Variants in PDE3A observed in about 807,000 individuals in gnomAD.
The protein encoded by PDE3A is phosphodiesterase 3A.
Under a neutral mutation model 98.3 loss-of-function variants are expected in PDE3A, and 43 were observed. The observed-to-expected ratio is 0.44, with a 90% CI of 0.34 to 0.56. The LOEUF (loss-of-function observed/expected upper bound fraction) is 0.56, where lower values mean the gene tolerates loss of function less well. PDE3A is among the 20% of genes least tolerant of loss of function. The pLI, the probability that PDE3A is intolerant of heterozygous loss-of-function variation, is 0.01. For synonymous variants in PDE3A, 663 were observed against 567.9 expected (o/e 1.17, Z -2.38); for missense variants, 1,427 against 1,440.7 (o/e 0.99, Z 0.15).
chr12:20,412,263 A>G (rs1304260482), intron 1 of PDE3A, among the ~76,000 whole-genome samples: 1 of 152,232 alleles, frequency 6.6e-6, no homozygotes, highest in Admixed American at 6.5e-5. Flanking sequence ...GCATTTTAAT[A>G]GTACATGATG....
At chr12:20,501,936 C>T (rs1306621771) in intron 1 of PDE3A, among the ~76,000 whole-genome samples, 1 of 152,096 alleles carries the variant, frequency 6.6e-6, no homozygotes, top group African/African-American at 2.4e-5. Flanking sequence ...CAGACTCATT[C>T]TGATTTTTAT....
chr12:20,558,691 A>AAAT (rs66996145), intron 2 of PDE3A, among the ~76,000 whole-genome samples: 17,367 of 147,766 alleles, frequency 0.12, 2,632 homozygotes, highest in African/African-American at 0.36. Flanking sequence ...CCTGCTGACG[A>AAAT]AATAATAATA....
intron 1 of PDE3A, among the ~76,000 whole-genome samples, chr12:20,407,917 T>TTTTA (rs1268925267): frequency 4.6e-5 from 7 of 152,124 alleles, no homozygotes; most frequent in South Asian, 2.1e-4. Context: ...TATTTTCTAT[T>TTTTA]TTTATTTATT....
rs2120528345 is a variant in PDE3A, at chr12:20,378,124, A to G, written c.960+7880A>G. Among the ~76,000 whole-genome samples, 2 of 151,876 alleles carry G rather than the reference A, an allele frequency of 1.3e-5. 1 individual carries two copies. The highest frequency in any genetic ancestry group is 4.1e-4 in the South Asian group (2 of 4,822). ...CATGGAAACACAATGAAAATGGTTC[A>G]TTCTGTGTATAGAGCAGATTGGAGA... On this transcript the variant is annotated intron_variant, in intron 1 of 15. Coordinates refer to ENST00000359062, the MANE Select transcript of PDE3A (RefSeq NM_000921.5).
At chr12:20,437,390 T>G (rs2120826763) in intron 1 of PDE3A, among the ~76,000 whole-genome samples, 1 of 152,074 alleles carries the variant, frequency 6.6e-6, no homozygotes, top group Non-Finnish European at 1.5e-5. Flanking sequence ...ATACCTAAGG[T>G]TGTGTAAATT....
intron 1 of PDE3A, among the ~76,000 whole-genome samples, chr12:20,459,117 ATT>A (rs1466481682): frequency 4.6e-5 from 7 of 152,162 alleles, no homozygotes; most frequent in African/African-American, 1.7e-4. Context: ...ACCTCTGAAA[ATT>A]TGTACAATGT....
At chr12:20,637,346 A>T in intron 9 of PDE3A, 109 bp downstream of exon 9, 1 of 726,992 alleles carries the variant, frequency 1.4e-6, no homozygotes, top group Non-Finnish European at 2.1e-6. Context: ...ATGTGGAGAA[A>T]GGAAGTTTTA....
intron 1 of PDE3A, among the ~76,000 whole-genome samples, chr12:20,386,123 ATATATATAAATATATATAAAT>A (rs1232038733): frequency 3.6e-3 from 71 of 19,666 alleles, no homozygotes; most frequent in African/African-American, 8.2e-3. Context: ...ATATATATAA[ATATATATAAATATATATAAAT>A]ATATATATAA....
intron 1 of PDE3A, among the ~76,000 whole-genome samples, chr12:20,455,522 G>T (rs1344747562): frequency 6.6e-6 from 1 of 152,242 alleles, no homozygotes; most frequent in East Asian, 1.9e-4. Context: ...CAGGATTCTG[G>T]CATGTAGTAG....
intron 2 of PDE3A, among the ~76,000 whole-genome samples, chr12:20,563,598 T>C (rs1411190713): frequency 6.6e-6 from 1 of 152,238 alleles, no homozygotes; most frequent in African/African-American, 2.4e-5. Flanking sequence ...TCAATATTCG[T>C]TCAGAAATTT....
chr12:20,586,987 A>T (rs1943213619), intron 2 of PDE3A, among the ~76,000 whole-genome samples: 2 of 152,108 alleles, frequency 1.3e-5, no homozygotes, highest in South Asian at 4.1e-4. Context: ...TGTTAATGGT[A>T]TTTGCTCATT....
At chr12:20,676,832 C>G (rs966265018) in intron 15 of PDE3A, among the ~76,000 whole-genome samples, 17 of 152,078 alleles carry the variant, frequency 1.1e-4, no homozygotes, top group Admixed American at 1.1e-3. Context: ...CTACAATGCA[C>G]CACGGGGAGG....
At chr12:20,566,781 A>T (rs1942668963) in intron 2 of PDE3A, among the ~76,000 whole-genome samples, 1 of 151,912 alleles carries the variant, frequency 6.6e-6, no homozygotes, top group Admixed American at 6.6e-5. Flanking sequence ...TGAAGTTAGA[A>T]ACGTGCAGTG....
chr12:20,515,119 C>T (rs1467615330), intron 1 of PDE3A, among the ~76,000 whole-genome samples: 1 of 152,202 alleles, frequency 6.6e-6, no homozygotes, highest in Admixed American at 6.5e-5. Context: ...CCGTTCAACT[C>T]TTCAAATTAC....
intron 1 of PDE3A, among the ~76,000 whole-genome samples, chr12:20,433,665 G>A (rs1055860606): frequency 4.6e-5 from 7 of 151,916 alleles, no homozygotes; most frequent in Non-Finnish European, 7.4e-5. Flanking sequence ...AACAGCATAC[G>A]TTTTTTAAAA....
chr12:20,675,696 G>A (rs12314909), intron 15 of PDE3A, among the ~76,000 whole-genome samples: 4 of 152,028 alleles, frequency 2.6e-5, no homozygotes, highest in Non-Finnish European at 4.4e-5. Flanking sequence ...AATTGATCTC[G>A]TTGTCATTAT....
intron 2 of PDE3A, among the ~76,000 whole-genome samples, chr12:20,564,178 A>G (rs1942599356): frequency 6.6e-6 from 1 of 151,990 alleles, no homozygotes; most frequent in South Asian, 2.1e-4. Flanking sequence ...CCTGGTCTCT[A>G]CCTAGTAGAG....
chr12:20,435,819 G>A (rs1352093923), intron 1 of PDE3A, among the ~76,000 whole-genome samples: 2 of 152,134 alleles, frequency 1.3e-5, no homozygotes, highest in African/African-American at 2.4e-5. Flanking sequence ...TGGACTAACC[G>A]TTATTAGTAC....
At chr12:20,470,156 C>A (rs1212964739) in intron 1 of PDE3A, among the ~76,000 whole-genome samples, 1 of 151,770 alleles carries the variant, frequency 6.6e-6, no homozygotes, top group Non-Finnish European at 1.5e-5. Context: ...CATTCAGTAT[C>A]CTCCATTATT....
Sources: allele counts gnomAD v4.1 joint callset (sites outside exome capture counted in the v4.1 genomes callset), GRCh38; gene constraint gnomAD v4.1.1; transcripts MANE v1.5; gene names NCBI Gene and HGNC (gene_info 2026-07-23, HGNC 2026-07-21).